PAK2: variants seen among roughly 807,000 people sequenced by gnomAD.
PAK2 encodes serine/threonine-protein kinase PAK 2.
PAK2 carries 21 observed loss-of-function variants against 65.9 expected under a neutral mutation model. That is an observed-to-expected ratio of 0.32 (90% CI 0.23 to 0.46). The LOEUF is 0.46. Ranked by LOEUF, PAK2 falls within the 20% of genes least tolerant of loss-of-function variation. The pLI is 1.00. For missense variants in PAK2, 324 were observed against 642.6 expected (o/e 0.50, Z 5.36); for synonymous variants, 204 against 219.7 (o/e 0.93, Z 0.63).
At chr3:196,817,429 C>T (rs1212914126) in intron 11 of PAK2, among the ~76,000 whole-genome samples, 1 of 152,052 alleles carries the variant, frequency 6.6e-6, no homozygotes, top group African/African-American at 2.4e-5. Flanking sequence ...TGGCTCAGTG[C>T]AAGTTCCGCC....
chr3:196,748,977 A>C (rs550663173), intron 1 of PAK2, among the ~76,000 whole-genome samples: 4 of 151,400 alleles, frequency 2.6e-5, no homozygotes, highest in African/African-American at 9.7e-5. Flanking sequence ...GATTTTGGCT[A>C]CTCTTATGTA....
At chr3:196,767,466 A>T (rs1380092916) in intron 1 of PAK2, among the ~76,000 whole-genome samples, 2 of 152,096 alleles carry the variant, frequency 1.3e-5, no homozygotes, top group African/African-American at 4.8e-5. Context: ...CGAGCAATTT[A>T]TAATGAAATA....
At chr3:196,786,369 G>A (rs1714890058) in intron 2 of PAK2, among the ~76,000 whole-genome samples, 1 of 151,854 alleles carries the variant, frequency 6.6e-6, no homozygotes, top group South Asian at 2.1e-4. Context: ...CATCATGTTG[G>A]CCAGGCTGGT....
At chr3:196,747,491 A>G (rs1410634589) in intron 1 of PAK2, among the ~76,000 whole-genome samples, 1 of 152,168 alleles carries the variant, frequency 6.6e-6, no homozygotes, top group Non-Finnish European at 1.5e-5. Flanking sequence ...CTCAGGAGGT[A>G]TTTAGGATAA....
In PAK2 at chr3:196,750,135, T is replaced by G. The variant is rs7640538; in HGVS notation, c.-22+9978T>G. Among the ~76,000 whole-genome samples the G allele has an allele frequency of 1.4e-3, 212 of 151,656 alleles. 1 individual carries two copies. The highest frequency in any genetic ancestry group is 9.6e-3 in the Admixed American group (146 of 15,214). ...CCAAATAGCTGGGATTATAGGCGCC[T>G]GCCACCACGCCTGGCTAATTTTTTG... On this transcript the variant is annotated intron_variant, in intron 1 of 14. Transcript: ENST00000327134.
At chr3:196,764,520 G>A (rs1714089957) in intron 1 of PAK2, among the ~76,000 whole-genome samples, 2 of 151,774 alleles carry the variant, frequency 1.3e-5, no homozygotes, top group South Asian at 2.1e-4. Context: ...TCGGGAGGCT[G>A]AGGCAGGAGA....
intron 1 of PAK2, among the ~76,000 whole-genome samples, chr3:196,775,571 C>T (rs1369631545): frequency 3.3e-5 from 5 of 151,880 alleles, no homozygotes; most frequent in Admixed American, 1.3e-4. Flanking sequence ...TTAGTAGAGA[C>T]GGGGTTTCAC....
chr3:196,766,244 T>A (rs930551623), intron 1 of PAK2, among the ~76,000 whole-genome samples: 4 of 152,164 alleles, frequency 2.6e-5, no homozygotes. Context: ...CTTAGTACCT[T>A]CTCACAAAGA....
intron 1 of PAK2, among the ~76,000 whole-genome samples, chr3:196,753,941 T>G (rs1238761581): frequency 6.6e-6 from 1 of 152,224 alleles, no homozygotes; most frequent in Non-Finnish European, 1.5e-5. Flanking sequence ...ATTGTTCTGT[T>G]TCCTTCCTTG....
rs1711967789 is a variant in PAK2, at chr3:196,828,748, A to G, written c.*343A>G. On this transcript the variant is annotated 3_prime_UTR_variant, in exon 15 of 15. Coordinates refer to ENST00000327134, the MANE Select transcript of PAK2 (RefSeq NM_002577.4). ...TCCCATTCATTGTCCCCTTTGGGGT[A>G]TTTCCAATACTTGAATGGCAGATTG... 4.6e-6 allele frequency: 1 copy of G among 217,786 alleles called. No homozygotes were observed. The highest frequency in any genetic ancestry group is 9.0e-6 in the Non-Finnish European group (1 of 110,946). The allele number at this position is 217,786 out of a possible 1,614,324, so 13.5% of individuals were successfully genotyped here. A position where few individuals can be genotyped will look rare whatever the true frequency, so the allele number is the denominator to read the frequency against.
At position 196,796,749 on chromosome 3, in the gene PAK2, G is replaced by A. The variant is rs73891510; in HGVS notation, c.188-5178G>A. ...AGGCCAAAATGAAAGGATACAAAAAGGTGTGTTAACAATTAAAAGAAACCT... is the reference window on the plus strand; with the variant it reads ...AGGCCAAAATGAAAGGATACAAAAAAGTGTGTTAACAATTAAAAGAAACCT... On this transcript the variant is annotated intron_variant, in intron 2 of 14. Coordinates refer to ENST00000327134, the MANE Select transcript of PAK2 (RefSeq NM_002577.4). 2.0e-3 allele frequency among the ~76,000 whole-genome samples: 297 copies of A among 152,170 alleles called. 1 individual carries two copies. Among genetic ancestry groups the A allele is most frequent in the African/African-American group, 6.7e-3 (278 of 41,516 alleles).
At chr3:196,753,986 TC>T (rs1713691870) in intron 1 of PAK2, among the ~76,000 whole-genome samples, 2 of 152,236 alleles carry the variant, frequency 1.3e-5, no homozygotes, top group African/African-American at 4.8e-5. Flanking sequence ...GCTCACCATT[TC>T]TGTCCCCTAT....
In PAK2 at chr3:196,743,570, G is replaced by T. The variant is rs182422996; in HGVS notation, c.-22+3413G>T. On this transcript the variant is annotated intron_variant, in intron 1 of 14. Coordinates refer to ENST00000327134, the MANE Select transcript of PAK2 (RefSeq NM_002577.4). ...TAGAATTAAAACTGCCTTCTAGGCC[G>T]GGTGCGGTGGCTCACACCTGTAATC... Among the ~76,000 whole-genome samples, 22 of 152,170 alleles carry T rather than the reference G, an allele frequency of 1.4e-4. No individual in the cohort carries two copies. In the East Asian group the frequency reaches 4.2e-3, roughly 29 times the overall value.
intron 8 of PAK2, among the ~76,000 whole-genome samples, chr3:196,811,335 C>CCCTT (rs760379703): frequency 0.026 from 73 of 2,848 alleles, 21 homozygotes; most frequent in East Asian, 0.2. Flanking sequence ...TCCCTTCCCT[C>CCCTT]CCTTCCCTCC....
intron 8 of PAK2, among the ~76,000 whole-genome samples, chr3:196,810,892 T>G (rs1715757649): frequency 6.6e-6 from 1 of 152,030 alleles, no homozygotes; most frequent in Non-Finnish European, 1.5e-5. Context: ...TTCCCATCTG[T>G]GATAATTAGA....
intron 12 of PAK2, among the ~76,000 whole-genome samples, chr3:196,819,123 A>T (rs1003623613): frequency 6.6e-6 from 1 of 152,124 alleles, no homozygotes; most frequent in African/African-American, 2.4e-5. Context: ...ATGGATTATT[A>T]TATTTTTATA....
intron 1 of PAK2, among the ~76,000 whole-genome samples, chr3:196,754,849 C>G (rs1322214058): frequency 6.6e-6 from 1 of 152,196 alleles, no homozygotes; most frequent in Non-Finnish European, 1.5e-5. Flanking sequence ...GTGGCTGCCA[C>G]AAAAACTGCC....
At chr3:196,796,725 G>A (rs1245212768) in intron 2 of PAK2, among the ~76,000 whole-genome samples, 1 of 151,978 alleles carries the variant, frequency 6.6e-6, no homozygotes, top group African/African-American at 2.4e-5. Flanking sequence ...CCACAAAATA[G>A]GCCAAAATGA....
In PAK2 at chr3:196,743,349, C is replaced by G. The variant is rs149759764; in HGVS notation, c.-22+3192C>G. On this transcript the variant is annotated intron_variant, in intron 1 of 14. Transcript: ENST00000327134. ...TTGAATTCTTGCTGTTCTACTTTAC[C>G]CTGGGCAAGATATACATTCTTTTCA... Among the ~76,000 whole-genome samples the G allele has an allele frequency of 5.3e-3, 811 of 152,104 alleles. 10 individuals carry two copies. Among genetic ancestry groups the G allele is most frequent in the African/African-American group, 0.018 (755 of 41,462 alleles).
Sources: gnomAD v4.1 joint callset for allele counts (sites outside exome capture counted in the v4.1 genomes callset) on GRCh38, gnomAD v4.1.1 for gene constraint, MANE v1.5 for transcripts, NCBI Gene and HGNC (gene_info 2026-07-23, HGNC 2026-07-21) for gene names.